The following MMS22L variants were observed in gnomAD, a reference collection of about 807,000 sequenced individuals.
MMS22L encodes the protein MMS22 like, DNA repair protein.
A neutral mutation model predicts 159.1 loss-of-function variants in MMS22L; 74 were observed. That is an observed-to-expected ratio of 0.47 (90% CI 0.39 to 0.56). The LOEUF (loss-of-function observed/expected upper bound fraction) is 0.56. MMS22L is among the 20% of genes least tolerant of loss of function. The pLI is 0.00. For missense variants in MMS22L, 1,351 were observed against 1,422.1 expected, an observed-to-expected ratio of 0.95 and a Z score of 0.80; for synonymous variants, 517 against 506.9, an observed-to-expected ratio of 1.02 and a Z score of -0.27.
At chr6:97,239,276 T>C (rs1305924418) in intron 11 of MMS22L, among the ~76,000 whole-genome samples, 2 of 152,170 alleles carry the variant, frequency 1.3e-5, no homozygotes, top group Non-Finnish European at 1.5e-5. Flanking sequence ...ATCAAAATAA[T>C]TTTTTAAAAT....
intron 18 of MMS22L, among the ~76,000 whole-genome samples, chr6:97,175,440 A>C (rs1450781747): frequency 6.6e-6 from 1 of 152,218 alleles, no homozygotes; most frequent in East Asian, 1.9e-4. Flanking sequence ...AAACTTGACA[A>C]GTGGTATTTC....
rs532490578 is a variant in MMS22L, at chr6:97,181,070, G to C, written c.2384+834C>G. On this transcript the variant is annotated intron_variant, in intron 16 of 24. Coordinates refer to ENST00000683635, the MANE Select transcript of MMS22L (RefSeq NM_001350599.2). ...AGGTTTATGCTAAGGACGAAGACAG[G>C]AAAGACTATGGCTACCAAGAGAAAA... 5.9e-5 allele frequency among the ~76,000 whole-genome samples: 9 copies of C among 152,186 alleles called. No homozygotes were observed. In the South Asian group the frequency reaches 1.2e-3, roughly 21 times the overall value.
chr6:97,186,454 G>C lies in MMS22L; in HGVS notation c.2233+43C>G, dbSNP rs770604277. On this transcript the variant is annotated intron_variant, in intron 15 of 24. Coordinates refer to ENST00000683635, the MANE Select transcript of MMS22L (RefSeq NM_001350599.2). ...AAATAAAGGAAAATACTGACAAAGA[G>C]TCTGCAAAAAGAGAAATTAGCAAAT... The C allele has an allele frequency of 2.6e-6, 4 of 1,543,772 alleles. No individual in the cohort carries two copies. The Admixed American group carries it at 5.5e-5, about 21-fold the overall frequency.
chr6:97,150,584 C>T (rs970067777), intron 23 of MMS22L, among the ~76,000 whole-genome samples: 2 of 152,142 alleles, frequency 1.3e-5, no homozygotes, highest in South Asian at 2.1e-4. Flanking sequence ...TGAAAAGCCA[C>T]CTCGCTTAGT....
chr6:97,201,679 A>G (rs1807184561), intron 14 of MMS22L, among the ~76,000 whole-genome samples: 1 of 152,238 alleles, frequency 6.6e-6, no homozygotes, highest in South Asian at 2.1e-4. Flanking sequence ...TATCTAGGTG[A>G]AACTTCTCAC....
At chr6:97,198,644 G>T (rs1015073038) in intron 14 of MMS22L, among the ~76,000 whole-genome samples, 2 of 152,050 alleles carry the variant, frequency 1.3e-5, no homozygotes, top group Non-Finnish European at 2.9e-5. Context: ...GAGGAACAAA[G>T]AATTTTATTA....
rs1271106961 is a variant in MMS22L, at chr6:97,210,319, A to G, written c.2039+18575T>C. Among the ~76,000 whole-genome samples the G allele has an allele frequency of 3.9e-5, 6 of 151,984 alleles. No individual in the cohort carries two copies. In the East Asian group the frequency reaches 1.2e-3, roughly 29 times the overall value. ...CAGAATCAGGTATCAATTTTAACCT[A>G]TCCCCTTCACTTTGAATCTTTGTAT... On this transcript the variant is annotated intron_variant, in intron 14 of 24. Coordinates refer to ENST00000683635, the MANE Select transcript of MMS22L (RefSeq NM_001350599.2).
intron 4 of MMS22L, among the ~76,000 whole-genome samples, chr6:97,278,105 T>C (rs1349329128): frequency 1.3e-5 from 2 of 152,222 alleles, no homozygotes; most frequent in African/African-American, 4.8e-5. Context: ...GCCCTTCAAT[T>C]CCCTTTATTA....
In MMS22L at chr6:97,186,503, C is replaced by A. The variant is rs768857578; in HGVS notation, c.2227G>T (p.Ala743Ser). The A allele has an allele frequency of 5.0e-6, 8 of 1,611,520 alleles. No homozygotes were observed. In the Admixed American group the frequency reaches 1.3e-4, roughly 27 times the overall value. Residue 743 changes from alanine to serine, a missense_variant, in exon 15 of 25, where the codon GCT becomes TCT. Physicochemically the swap from Ala to Ser is moderately conservative, Grantham distance 99. Coordinates refer to ENST00000683635, the MANE Select transcript of MMS22L (RefSeq NM_001350599.2). ...ATTAATAATTAATGCTGACCTGCAG[C>A]TGCATCCGCAAGTTGTGAGAAAGGC... ...VVPFSQLADA[A>S]ADFTLLAMDM... is the part of the protein sequence containing the mutation.
chr6:97,250,978 A>G lies in MMS22L; in HGVS notation c.1119+3579T>C, dbSNP rs138185670. Among the ~76,000 whole-genome samples, 448 of 152,278 alleles carry G rather than the reference A, an allele frequency of 2.9e-3. 1 individual carries two copies. The highest frequency in any genetic ancestry group is 0.01 in the African/African-American group (426 of 41,556). On this transcript the variant is annotated intron_variant, in intron 10 of 24. Coordinates refer to ENST00000683635, the MANE Select transcript of MMS22L (RefSeq NM_001350599.2). ...TAATATATCATAAGGAGAAAAAAAA[A>G]TTTTCAAAATTCTAAACAGATTCCA...
intron 22 of MMS22L, among the ~76,000 whole-genome samples, chr6:97,154,861 T>C (rs1801668522): frequency 1.3e-5 from 2 of 152,220 alleles, no homozygotes; most frequent in African/African-American, 4.8e-5. Flanking sequence ...ACTGTTGCTT[T>C]GTAACATGTT....
chr6:97,204,365 A>G (rs893035009), intron 14 of MMS22L, among the ~76,000 whole-genome samples: 4 of 152,234 alleles, frequency 2.6e-5, no homozygotes, highest in African/African-American at 9.6e-5. Flanking sequence ...TTAAGATAAC[A>G]TTAACTGGAT....
chr6:97,231,297 T>A, intron 13 of MMS22L, 129 bp downstream of exon 13: 1 of 659,320 alleles, frequency 1.5e-6, no homozygotes, highest in Non-Finnish European at 2.6e-6. Flanking sequence ...ATCAAATGCA[T>A]ATAATGGATT....
rs1296084873 is a variant in MMS22L, at chr6:97,269,899, T to C, written c.697+3A>G. 8 of 1,599,932 alleles carry C rather than the reference T, an allele frequency of 5.0e-6. No individual in the cohort carries two copies. The highest frequency in any genetic ancestry group is 6.8e-6 in the Non-Finnish European group (8 of 1,169,792). On this transcript the variant is annotated splice_donor_region_variant and intron_variant, in intron 7 of 24. Transcript: ENST00000683635. ...AATATAAATCATAAATCCATAAACT[T>C]ACTCAATTTTTCACCCAGCATGTAA...
intron 10 of MMS22L, among the ~76,000 whole-genome samples, chr6:97,253,258 C>A (rs1813429619): frequency 6.6e-6 from 1 of 152,062 alleles, no homozygotes; most frequent in Non-Finnish European, 1.5e-5. Flanking sequence ...ACTAACTAAC[C>A]CTCAGATTCC....
At chr6:97,277,586 C>T (rs1416904169) in intron 4 of MMS22L, among the ~76,000 whole-genome samples, 3 of 151,880 alleles carry the variant, frequency 2.0e-5, no homozygotes, top group African/African-American at 7.3e-5. Flanking sequence ...AAAAACACAT[C>T]CTCCCTCTTC....
At chr6:97,153,841 A>G (rs111591048) in intron 22 of MMS22L, among the ~76,000 whole-genome samples, 5,939 of 152,262 alleles carry the variant, frequency 0.039, 161 homozygotes, top group Non-Finnish European at 0.06. Flanking sequence ...TTGTATAAAT[A>G]TATCAAAATT....
rs115447054 is a variant in MMS22L, at chr6:97,190,959, C to T, written c.2040-4269G>A. Among the ~76,000 whole-genome samples, 568 of 152,272 alleles carry T rather than the reference C, an allele frequency of 3.7e-3. 2 individuals carry two copies. Among genetic ancestry groups the T allele is most frequent in the African/African-American group, 0.013 (537 of 41,554 alleles). On this transcript the variant is annotated intron_variant, in intron 14 of 24. Coordinates refer to ENST00000683635, the MANE Select transcript of MMS22L (RefSeq NM_001350599.2). ...TACCAATTATCCAGGTGTTCCTACG[C>T]TTCTATTTTAGCTCAGTTACCCTGC...
At chr6:97,189,238 C>T (rs1206174) in intron 14 of MMS22L, among the ~76,000 whole-genome samples, 81,798 of 148,820 alleles carry the variant, frequency 0.55, 23,413 homozygotes, top group African/African-American at 0.71. Flanking sequence ...GGGGATAGGA[C>T]TCAAAGTTCT....
Sources: gnomAD v4.1 joint callset for allele counts (sites outside exome capture counted in the v4.1 genomes callset) on GRCh38, gnomAD v4.1.1 for gene constraint, MANE v1.5 for transcripts, NCBI Gene and HGNC (gene_info 2026-07-23, HGNC 2026-07-21) for gene names.